Variants in HECW2 observed in about 807,000 individuals in gnomAD.
The protein encoded by HECW2 is HECT, C2 and WW domain containing E3 ubiquitin protein ligase 2.
Under a neutral mutation model 175.2 loss-of-function variants are expected in HECW2, and 61 were observed. That is an observed-to-expected ratio of 0.35 (90% confidence interval 0.28 to 0.43). The LOEUF (loss-of-function observed/expected upper bound fraction) is 0.43, where lower values mean the gene tolerates loss of function less well. Among genes scored for constraint, HECW2 ranks in the 20% least tolerant of loss-of-function variants. HECW2 has a pLI of 1.00. For synonymous variants in HECW2, 671 were observed against 731.0 expected (o/e 0.92, Z 1.32); for missense variants, 1,524 against 2,000.5 (o/e 0.76, Z 4.54).
rs187752109 is a variant in HECW2, at chr2:196,286,321, G to A, written c.3000+6244C>T. ...TCCAAATTACCACATTTTAGGTGGA[G>A]TAGAAGTGCATTACCATGAAATGTT... On this transcript the variant is annotated intron_variant, in intron 14 of 28. Coordinates refer to ENST00000644978, the MANE Select transcript of HECW2 (RefSeq NM_001348768.2). Among the ~76,000 whole-genome samples, 354 of 150,228 alleles carry A rather than the reference G, an allele frequency of 2.4e-3. 3 individuals carry two copies. Among genetic ancestry groups the A allele is most frequent in the African/African-American group, 8.3e-3 (337 of 40,804 alleles).
At chr2:196,375,908 T>C (rs1694038960) in intron 2 of HECW2, among the ~76,000 whole-genome samples, 1 of 152,248 alleles carries the variant, frequency 6.6e-6, no homozygotes, top group Non-Finnish European at 1.5e-5. Flanking sequence ...GAAGCTTATA[T>C]GTCTACTATT....
At chr2:196,338,666 T>G (rs1692640090) in intron 3 of HECW2, among the ~76,000 whole-genome samples, 1 of 152,174 alleles carries the variant, frequency 6.6e-6, no homozygotes, top group Non-Finnish European at 1.5e-5. Context: ...ATTTAGAGAG[T>G]CTGGATTTTC....
intron 2 of HECW2, among the ~76,000 whole-genome samples, chr2:196,399,223 A>AT (rs926161091): frequency 1.3e-5 from 2 of 151,458 alleles, no homozygotes; most frequent in Middle Eastern, 3.2e-3. Flanking sequence ...TTGGAGGCTA[A>AT]TTTTTTCCCC....
intron 21 of HECW2, among the ~76,000 whole-genome samples, chr2:196,235,648 C>CTTTTTTTTTTTTTTT (rs757874073): frequency 1.3e-5 from 1 of 78,900 alleles, no homozygotes; most frequent in Non-Finnish European, 2.4e-5. Context: ...ATGCATTATT[C>CTTTTTTTTTTTTTTT]TTTTTTTTTT....
intron 18 of HECW2, among the ~76,000 whole-genome samples, chr2:196,255,188 A>C (rs1575303624): frequency 4.1e-5 from 4 of 96,866 alleles, no homozygotes; most frequent in South Asian, 3.5e-4. Context: ...ATGGGGTTTC[A>C]CCATGTTGGC....
intron 3 of HECW2, among the ~76,000 whole-genome samples, chr2:196,339,566 C>A (rs984166641): frequency 6.6e-6 from 1 of 152,124 alleles, no homozygotes; most frequent in African/African-American, 2.4e-5. Context: ...ACAAAGGTAG[C>A]ACTCAATGAA....
intron 1 of HECW2, among the ~76,000 whole-genome samples, chr2:196,504,115 G>GTGA (rs2125406276): frequency 6.6e-6 from 1 of 152,180 alleles, no homozygotes; most frequent in Non-Finnish European, 1.5e-5. Context: ...GGATAACATA[G>GTGA]TGTAACCTCA....
At chr2:196,483,723 T>C (rs544640892) in intron 1 of HECW2, among the ~76,000 whole-genome samples, 2 of 152,288 alleles carry the variant, frequency 1.3e-5, no homozygotes, top group South Asian at 2.1e-4. Flanking sequence ...AGGGACACAT[T>C]CAGCAAAATC....
At chr2:196,537,437 G>A (rs1689057670) in intron 1 of HECW2, among the ~76,000 whole-genome samples, 1 of 152,112 alleles carries the variant, frequency 6.6e-6, no homozygotes, top group Non-Finnish European at 1.5e-5. Flanking sequence ...TGGAGATCAG[G>A]AGGCAGCAAA....
chr2:196,585,817 T>C (rs991993103), intron 1 of HECW2, among the ~76,000 whole-genome samples: 3 of 152,160 alleles, frequency 2.0e-5, no homozygotes, highest in Non-Finnish European at 2.9e-5. Flanking sequence ...GCAATAAAGA[T>C]TATGTCCTGA....
chr2:196,217,197 T>A (rs1687506525), intron 26 of HECW2, 104 bp from the exon 27 acceptor site: 2 of 745,828 alleles, frequency 2.7e-6, no homozygotes, highest in Non-Finnish European at 2.2e-6. Flanking sequence ...TCCTCTTGAA[T>A]TCTTTACAAG....
chr2:196,344,438 C>T (rs925239881), intron 2 of HECW2, among the ~76,000 whole-genome samples: 1 of 151,578 alleles, frequency 6.6e-6, no homozygotes, highest in Admixed American at 6.6e-5. Context: ...TTTCTGACCT[C>T]ATGGCACAAA....
chr2:196,498,014 T>C (rs1252151038), intron 1 of HECW2, among the ~76,000 whole-genome samples: 1 of 152,240 alleles, frequency 6.6e-6, no homozygotes, highest in African/African-American at 2.4e-5. Flanking sequence ...AAGCCCCCTA[T>C]GTATACTCAT....
At chr2:196,500,937 G>T (rs929219383) in intron 1 of HECW2, among the ~76,000 whole-genome samples, 4 of 152,166 alleles carry the variant, frequency 2.6e-5, no homozygotes, top group African/African-American at 9.7e-5. Context: ...CACATGGAAG[G>T]CAAGATTCCA....
At chr2:196,493,778 G>T (rs779982643) in intron 1 of HECW2, among the ~76,000 whole-genome samples, 2 of 152,180 alleles carry the variant, frequency 1.3e-5, no homozygotes, top group African/African-American at 4.8e-5. Context: ...TTAAAGAATA[G>T]TCAACATTAG....
At chr2:196,378,948 C>A in intron 2 of HECW2, among the ~76,000 whole-genome samples, 1 of 152,022 alleles carries the variant, frequency 6.6e-6, no homozygotes. Context: ...ACATGAAGTA[C>A]ACAGCACCAC....
At chr2:196,433,516 A>C in intron 1 of HECW2, 58 bp from the exon 2 acceptor site, 1 of 1,286,236 alleles carries the variant, frequency 7.8e-7, no homozygotes, top group Non-Finnish European at 1.1e-6. Context: ...ATCAGATTTA[A>C]GCTTTCCAGA....
At chr2:196,581,705 C>T (rs1485957737) in intron 1 of HECW2, among the ~76,000 whole-genome samples, 4 of 152,004 alleles carry the variant, frequency 2.6e-5, no homozygotes, top group African/African-American at 9.7e-5. Context: ...TTTATTTTGT[C>T]TTATAATCAG....
intron 1 of HECW2, among the ~76,000 whole-genome samples, chr2:196,434,958 T>A (rs1695828318): frequency 6.6e-6 from 1 of 151,974 alleles, no homozygotes; most frequent in Non-Finnish European, 1.5e-5. Context: ...GAAGATAGGG[T>A]TTTTTCTCCC....
Sources: gnomAD v4.1 joint callset for allele counts (sites outside exome capture counted in the v4.1 genomes callset) on GRCh38, gnomAD v4.1.1 for gene constraint, MANE v1.5 for transcripts, NCBI Gene and HGNC (gene_info 2026-07-23, HGNC 2026-07-21) for gene names.